The following RHOQ variants were observed in gnomAD, a reference collection of about 807,000 sequenced individuals.
RHOQ encodes rho-related GTP-binding protein RhoQ.
A neutral mutation model predicts 25.8 loss-of-function variants in RHOQ; 7 were observed. That is an observed-to-expected ratio of 0.27 (90% CI 0.15 to 0.51). RHOQ has a LOEUF of 0.51. Among genes scored for constraint, RHOQ ranks in the 20% least tolerant of loss-of-function variants. The pLI, the probability that RHOQ is intolerant of heterozygous loss-of-function variation, is 0.97. For synonymous variants in RHOQ, 97 were observed against 98.6 expected (o/e 0.98, Z 0.10); for missense variants, 165 against 260.6 (o/e 0.63, Z 2.53).
chr2:46,575,528 TAA>T (rs1669087273), intron 2 of RHOQ, among the ~76,000 whole-genome samples: 1 of 151,466 alleles, frequency 6.6e-6, no homozygotes. Context: ...GACTCTGGAG[TAA>T]AAACTGCCAG....
At chr2:46,561,629 C>A (rs748480237) in intron 2 of RHOQ, among the ~76,000 whole-genome samples, 1 of 151,980 alleles carries the variant, frequency 6.6e-6, no homozygotes, top group Non-Finnish European at 1.5e-5. Context: ...TTCCATGTAG[C>A]CTTTTCTGTT....
At chr2:46,578,346 C>T (rs1047986124) in intron 4 of RHOQ, among the ~76,000 whole-genome samples, 13 of 151,762 alleles carry the variant, frequency 8.6e-5, no homozygotes, top group Non-Finnish European at 1.9e-4. Flanking sequence ...AAGAGTTTAT[C>T]CTAAGCAAAT....
chr2:46,547,741 C>A (rs1668116853), intron 2 of RHOQ, among the ~76,000 whole-genome samples: 1 of 152,222 alleles, frequency 6.6e-6, no homozygotes, highest in Admixed American at 6.5e-5. Context: ...TTCAGGACTT[C>A]AGTGTAGGCT....
intron 2 of RHOQ, among the ~76,000 whole-genome samples, chr2:46,545,580 A>T (rs1196674808): frequency 1.3e-5 from 2 of 152,186 alleles, no homozygotes; most frequent in African/African-American, 4.8e-5. Context: ...CTTTGCGGTG[A>T]GGAAACAGGC....
chr2:46,543,507 G>A (rs1667916222), intron 1 of RHOQ: 1 of 601,524 alleles, frequency 1.7e-6, no homozygotes, highest in African/African-American at 1.9e-5. Context: ...AATATTCGAG[G>A]GGACCGAGCG....
intron 4 of RHOQ, chr2:46,579,952 CTT>C (rs1669289085): frequency 1.3e-5 from 2 of 152,324 alleles, no homozygotes; most frequent in Non-Finnish European, 2.9e-5. Flanking sequence ...AATCCAGACA[CTT>C]TTTTCTAACT....
Position 46,542,966 on chromosome 2 carries a change from C to A in RHOQ, c.-81C>A. On this transcript the variant is annotated 5_prime_UTR_variant, in exon 1 of 5. Coordinates refer to ENST00000238738, the MANE Select transcript of RHOQ (RefSeq NM_012249.4). ...CGGAGCGGCGGCGACGGCGGCGGAC[C>A]CCCCAGGCGGGCTGGGGCTGAGCCC... 2.1e-6 allele frequency: 2 copies of A among 961,704 alleles called. No individual in the cohort carries two copies. Among genetic ancestry groups the A allele is most frequent in the Non-Finnish European group, 2.6e-6 (2 of 760,996 alleles). The allele number at this position is 961,704 out of a possible 1,614,324, so 59.6% of individuals were successfully genotyped here.
In RHOQ at chr2:46,583,266, TAC is replaced by T. The variant is rs1466737830; in HGVS notation, c.*2187_*2188del. 1.3e-5 allele frequency: 2 copies of T among 152,216 alleles called. No homozygotes were observed. Among genetic ancestry groups the T allele is most frequent in the Non-Finnish European group, 2.9e-5 (2 of 68,008 alleles). The allele number at this position is 152,216 out of a possible 1,614,324, so 9.4% of individuals were successfully genotyped here. A position where few individuals can be genotyped will look rare whatever the true frequency, so the allele number is the denominator to read the frequency against. ...AACAGAAACAGATTAGGAATTTGTC[TAC>T]ACAAACTGGTGTCACCTGTTTCTTG... is the stretch of plus-strand genomic sequence containing the variant. On this transcript the variant is annotated 3_prime_UTR_variant, in exon 5 of 5. Coordinates refer to ENST00000238738, the MANE Select transcript of RHOQ (RefSeq NM_012249.4).
chr2:46,574,248 A>G (rs1015763672), intron 2 of RHOQ, among the ~76,000 whole-genome samples: 1 of 152,154 alleles, frequency 6.6e-6, no homozygotes, highest in Non-Finnish European at 1.5e-5. Flanking sequence ...CTTTTTAATG[A>G]GAACACCCCA....
chr2:46,556,554 C>T lies in RHOQ; in HGVS notation c.201+12742C>T, dbSNP rs1466305081. Among the ~76,000 whole-genome samples the T allele has an allele frequency of 7.9e-5, 12 of 151,044 alleles. No individual in the cohort carries two copies. Among genetic ancestry groups the T allele is most frequent in the African/African-American group, 2.9e-4 (12 of 40,984 alleles). The stretch of plus-strand genomic sequence containing the variant: ...TCCAGTGTTCTTGTTTTCTCTGTGC[C>T]TCTGTTCATATACTCTCCCACCCCA... On this transcript the variant is annotated intron_variant, in intron 2 of 4. Coordinates refer to ENST00000238738, the MANE Select transcript of RHOQ (RefSeq NM_012249.4). The surrounding 1 kb of genome is among the most constrained non-coding windows in gnomAD (Gnocchi z 4.9).
At chr2:46,560,541 G>T (rs562759514) in intron 2 of RHOQ, 2 of 455,940 alleles carry the variant, frequency 4.4e-6, no homozygotes, top group East Asian at 1.4e-4. Context: ...AGCAAAGCGA[G>T]TTGGATTTCT....
rs6725948 is a variant in RHOQ, at chr2:46,552,426, G to A, written c.201+8614G>A. Among the ~76,000 whole-genome samples the A allele has an allele frequency of 0.45, 68,434 of 152,122 alleles. 16,401 individuals are homozygous for A. The highest frequency in any genetic ancestry group is 0.6 in the African/African-American group (25,013 of 41,486). ...GGGCCAGCTTTAGCCTGCAAATGAC[G>A]GGTGTCGTTTGTGTCCCATGGGGGC... On this transcript the variant is annotated intron_variant, in intron 2 of 4. Coordinates refer to ENST00000238738, the MANE Select transcript of RHOQ (RefSeq NM_012249.4). This position sits in a 1 kb window ranked among gnomAD's most constrained non-coding sequence, Gnocchi z 5.0.
At chr2:46,580,318 C>T (rs979654150) in intron 4 of RHOQ, 8 of 152,318 alleles carry the variant, frequency 5.3e-5, no homozygotes, top group African/African-American at 1.9e-4. Flanking sequence ...AATGTTCTTC[C>T]CTATGGACAT....
chr2:46,543,493 G>A, intron 1 of RHOQ: 1 of 600,788 alleles, frequency 1.7e-6, no homozygotes, highest in South Asian at 2.0e-5. Flanking sequence ...AAGGCCCCGG[G>A]GGAAATATTC....
At chr2:46,572,975 G>A (rs575481840) in intron 2 of RHOQ, among the ~76,000 whole-genome samples, 7 of 152,216 alleles carry the variant, frequency 4.6e-5, no homozygotes, top group Middle Eastern at 3.4e-3. Context: ...ATGCACAGGG[G>A]ATAATTTATT....
rs543085181 is a variant in RHOQ, at chr2:46,576,134, C to G, written c.249C>G (p.Val83=). The G allele has an allele frequency of 6.2e-7, 1 of 1,612,986 alleles. No individual in the cohort carries two copies. The highest frequency in any genetic ancestry group is 1.7e-5 in the Admixed American group (1 of 59,824). ...CTTTATCTTACCCAATGACCGATGT[C>G]TTCCTTATATGCTTCTCGGTGGTAA... ...LRPLSYPMTD[V]FLICFSVVNP... is the part of the protein sequence containing the mutation. Residue 83 remains valine (V), a synonymous_variant, in exon 3 of 5, where the codon GTC becomes GTG. Coordinates refer to ENST00000238738, the MANE Select transcript of RHOQ (RefSeq NM_012249.4). The surrounding 1 kb of genome is among the most constrained non-coding windows in gnomAD (Gnocchi z 5.1).
rs1335305402 is a variant in RHOQ, at chr2:46,569,886, T to C, written c.202-6201T>C. Among the ~76,000 whole-genome samples the C allele has an allele frequency of 2.0e-5, 3 of 152,194 alleles. No individual in the cohort carries two copies. The highest frequency in any genetic ancestry group is 2.9e-5 in the Non-Finnish European group (2 of 68,018). On this transcript the variant is annotated intron_variant, in intron 2 of 4. Coordinates refer to ENST00000238738, the MANE Select transcript of RHOQ (RefSeq NM_012249.4). The surrounding 1 kb of genome is among the most constrained non-coding windows in gnomAD (Gnocchi z 4.1). ...AAAACAGTGACCTCTTAAGAATTTA[T>C]AGCACCTAAAAAAACCTTTCTCTTC...
At chr2:46,560,813 G>GT (rs1438027625) in intron 2 of RHOQ, 2 of 202,748 alleles carry the variant, frequency 9.9e-6, no homozygotes, top group East Asian at 2.6e-4. Flanking sequence ...ACTCCATTAG[G>GT]TTATAGCTTT....
chr2:46,565,905 G>C (rs867088971), intron 2 of RHOQ, among the ~76,000 whole-genome samples: 6 of 152,220 alleles, frequency 3.9e-5, no homozygotes, highest in Non-Finnish European at 7.3e-5. Context: ...AGCTTGTGGT[G>C]CCACAGAAGT....
Sources: allele counts gnomAD v4.1 joint callset (sites outside exome capture counted in the v4.1 genomes callset), GRCh38; gene constraint gnomAD v4.1.1; non-coding constraint Gnocchi (gnomAD v3.1); transcripts MANE v1.5; gene names NCBI Gene and HGNC (gene_info 2026-07-23, HGNC 2026-07-21).